Variants in ARHGAP44 observed in about 807,000 individuals in gnomAD.
ARHGAP44 encodes Rho GTPase activating protein 44.
ARHGAP44 carries 43 observed loss-of-function variants against 106.8 expected under a neutral mutation model. The ratio of observed to expected loss-of-function variants is 0.40; its 90% CI spans 0.32 to 0.52. The LOEUF (loss-of-function observed/expected upper bound fraction) is 0.52, where lower values mean the gene tolerates loss of function less well. Ranked by LOEUF, ARHGAP44 falls within the 20% of genes least tolerant of loss-of-function variation. ARHGAP44 has a pLI of 0.48. For missense variants in ARHGAP44, 866 were observed against 1,050.5 expected (o/e 0.82, Z 2.43); for synonymous variants, 439 against 410.3 (o/e 1.07, Z -0.85).
At chr17:12,977,659 C>T (rs2039719715) in intron 18 of ARHGAP44, among the ~76,000 whole-genome samples, 1 of 152,134 alleles carries the variant, frequency 6.6e-6, no homozygotes, top group African/African-American at 2.4e-5. Flanking sequence ...CCGCCCTACG[C>T]CCCACCTCTC....
chr17:12,824,143 G>A (rs1258858171), intron 1 of ARHGAP44, among the ~76,000 whole-genome samples: 1 of 152,032 alleles, frequency 6.6e-6, no homozygotes, highest in African/African-American at 2.4e-5. Context: ...GTGTCTCCCT[G>A]TGCAATTTTC....
chr17:12,900,373 C>T (rs747472005), intron 3 of ARHGAP44, among the ~76,000 whole-genome samples: 6 of 152,124 alleles, frequency 3.9e-5, no homozygotes, highest in Admixed American at 6.5e-5. Context: ...ATGATCTGCC[C>T]GCCTCAGCCT....
intron 3 of ARHGAP44, among the ~76,000 whole-genome samples, chr17:12,901,564 G>C (rs2037376644): frequency 1.3e-5 from 2 of 152,144 alleles, no homozygotes; most frequent in African/African-American, 4.8e-5. Flanking sequence ...CCTGGAGGGA[G>C]AGTATCAGGG....
At chr17:12,926,008 A>G (rs1424515735) in intron 6 of ARHGAP44, among the ~76,000 whole-genome samples, 1 of 152,184 alleles carries the variant, frequency 6.6e-6, no homozygotes, top group African/African-American at 2.4e-5. Context: ...TTACCTTGGT[A>G]TTTTGTTTGC....
At chr17:12,894,852 G>C (rs2037154501) in intron 1 of ARHGAP44, 88 bp from the exon 2 acceptor site, 1 of 1,181,092 alleles carries the variant, frequency 8.5e-7, no homozygotes, top group Non-Finnish European at 1.2e-6. Flanking sequence ...TGTTTTTCTG[G>C]TATTGCCTTA....
chr17:12,876,791 A>G (rs921983817), intron 1 of ARHGAP44, among the ~76,000 whole-genome samples: 1 of 151,698 alleles, frequency 6.6e-6, no homozygotes, highest in Non-Finnish European at 1.5e-5. Context: ...TGCACTTGTA[A>G]TCCCAGCTAC....
Position 12,939,559 on chromosome 17 carries a change from G to A in ARHGAP44, c.583-1497G>A, listed in dbSNP as rs1481164527. On this transcript the variant is annotated intron_variant, in intron 7 of 20. Coordinates refer to ENST00000379672, the MANE Select transcript of ARHGAP44 (RefSeq NM_014859.6). ...CAGCTCACCGCAAGCTCCGCTTCCT[G>A]GGTTCACGCCATTCTCCTGCTTCAG... Among the ~76,000 whole-genome samples, 3 of 152,190 alleles carry A rather than the reference G, an allele frequency of 2.0e-5. No homozygotes were observed. In the East Asian group the frequency reaches 5.8e-4, roughly 29 times the overall value.
chr17:12,832,060 C>T (rs747094896), intron 1 of ARHGAP44, among the ~76,000 whole-genome samples: 1 of 152,230 alleles, frequency 6.6e-6, no homozygotes, highest in African/African-American at 2.4e-5. Context: ...TTGCCCACTG[C>T]CCAGAAAGAG....
intron 8 of ARHGAP44, among the ~76,000 whole-genome samples, chr17:12,942,537 G>A (rs6502221): frequency 0.73 from 111,041 of 152,146 alleles, 40,914 homozygotes; most frequent in African/African-American, 0.82. Context: ...ACTCAAAGAC[G>A]TTAGAGTTTT....
chr17:12,973,199 C>T (rs1415734191), intron 16 of ARHGAP44, 103 bp from the exon 17 acceptor site: 1 of 1,221,432 alleles, frequency 8.2e-7, no homozygotes, highest in African/African-American at 1.5e-5. Context: ...CACCCCAAGA[C>T]CCTGGACCAT....
At position 12,911,952 on chromosome 17, in the gene ARHGAP44, G is replaced by A. The variant is rs114487224; in HGVS notation, c.275+2979G>A. 4.5e-3 allele frequency among the ~76,000 whole-genome samples: 692 copies of A among 152,326 alleles called. 4 individuals carry two copies. The highest frequency in any genetic ancestry group is 0.016 in the African/African-American group (673 of 41,570). ...TCTGAGGATGTTGGAGGGGGTCAGTGCCTCAATAAGTGACGCAACCACGTC... is the reference window on the plus strand; with the variant it reads ...TCTGAGGATGTTGGAGGGGGTCAGTACCTCAATAAGTGACGCAACCACGTC... On this transcript the variant is annotated intron_variant, in intron 4 of 20. Coordinates refer to ENST00000379672, the MANE Select transcript of ARHGAP44 (RefSeq NM_014859.6).
chr17:12,953,109 A>G (rs2039038571), intron 13 of ARHGAP44, among the ~76,000 whole-genome samples: 1 of 152,160 alleles, frequency 6.6e-6, no homozygotes, highest in Admixed American at 6.5e-5. Context: ...AAGCTGACCT[A>G]CATGGGAGCT....
In ARHGAP44 at chr17:12,950,306, G is replaced by A. The variant is rs77135401; in HGVS notation, c.1055+576G>A. 2.9e-3 allele frequency among the ~76,000 whole-genome samples: 447 copies of A among 152,252 alleles called. 8 individuals are homozygous for A. The East Asian group carries it at 0.06, about 20-fold the overall frequency. On this transcript the variant is annotated intron_variant, in intron 12 of 20. Transcript: ENST00000379672. ...ATAGCTGAATATATTTTAACAATAA[G>A]TAATAATGAACTTAAAGGGAGGTCA...
chr17:12,970,184 T>C (rs1026885742), intron 16 of ARHGAP44, among the ~76,000 whole-genome samples: 2 of 150,838 alleles, frequency 1.3e-5, no homozygotes, highest in African/African-American at 4.9e-5. Flanking sequence ...CTGGGTAACA[T>C]GGTGAAACTC....
intron 1 of ARHGAP44, among the ~76,000 whole-genome samples, chr17:12,826,963 A>G (rs985314862): frequency 1.2e-4 from 18 of 151,900 alleles, no homozygotes; most frequent in African/African-American, 4.1e-4. Context: ...ATACCCAATC[A>G]CCACCTTAAG....
intron 16 of ARHGAP44, among the ~76,000 whole-genome samples, chr17:12,971,750 A>G (rs2039532796): frequency 6.6e-6 from 1 of 152,152 alleles, no homozygotes; most frequent in Non-Finnish European, 1.5e-5. Flanking sequence ...TCCAGGAAAG[A>G]GACATCCCTC....
intron 1 of ARHGAP44, among the ~76,000 whole-genome samples, chr17:12,809,292 C>CA (rs1324350212): frequency 6.6e-6 from 1 of 152,202 alleles, no homozygotes; most frequent in African/African-American, 2.4e-5. Flanking sequence ...ATCTTTACAG[C>CA]AGAGCCCCAC....
At chr17:12,932,304 C>T (rs2150969893) in intron 7 of ARHGAP44, among the ~76,000 whole-genome samples, 1 of 152,234 alleles carries the variant, frequency 6.6e-6, no homozygotes, top group East Asian at 1.9e-4. Flanking sequence ...ATTGGACATT[C>T]TTCATGTATT....
intron 1 of ARHGAP44, among the ~76,000 whole-genome samples, chr17:12,802,944 TATATATATATATATATATATA>T (rs1343434454): frequency 0.017 from 275 of 16,402 alleles, 12 homozygotes; most frequent in African/African-American, 0.087. Flanking sequence ...TATATATATA[TATATATATATATATATATATA>T]TATATTTTTT....
Sources: gnomAD v4.1 joint callset for allele counts (sites outside exome capture counted in the v4.1 genomes callset) on GRCh38, gnomAD v4.1.1 for gene constraint, MANE v1.5 for transcripts, NCBI Gene and HGNC (gene_info 2026-07-23, HGNC 2026-07-21) for gene names.